PLA2G4E: variants seen among roughly 807,000 people sequenced by gnomAD.
The protein encoded by PLA2G4E is cytosolic phospholipase A2 epsilon.
A neutral mutation model predicts 109.1 loss-of-function variants in PLA2G4E; 84 were observed. The ratio of observed to expected loss-of-function variants is 0.77; its 90% CI spans 0.65 to 0.92. PLA2G4E has a LOEUF of 0.92. Ranked by LOEUF, PLA2G4E falls within the 40% of genes least tolerant of loss-of-function variation. The pLI, the probability that PLA2G4E is intolerant of heterozygous loss-of-function variation, is 0.00. For missense variants in PLA2G4E, 1,057 were observed against 1,076.6 expected, an observed-to-expected ratio of 0.98 and a Z score of 0.25; for synonymous variants, 469 against 436.1, an observed-to-expected ratio of 1.08 and a Z score of -0.94.
intron 1 of PLA2G4E, among the ~76,000 whole-genome samples, chr15:42,048,764 C>T (rs1889459905): frequency 1.3e-5 from 2 of 152,212 alleles, no homozygotes; most frequent in Admixed American, 1.3e-4. Flanking sequence ...GGCTAAGGAG[C>T]TTGTCTGAGG....
intron 15 of PLA2G4E, among the ~76,000 whole-genome samples, chr15:41,988,900 G>A (rs1490964354): frequency 3.9e-5 from 6 of 152,212 alleles, no homozygotes; most frequent in Non-Finnish European, 5.9e-5. Flanking sequence ...AAATAAGGGC[G>A]TGTTGGGGCT....
chr15:42,007,249 A>G (rs1005081681), intron 3 of PLA2G4E, among the ~76,000 whole-genome samples: 3 of 152,224 alleles, frequency 2.0e-5, no homozygotes, highest in Non-Finnish European at 4.4e-5. Flanking sequence ...TAGAGTCATC[A>G]TATATCTGAA....
chr15:42,040,960 CTG>C (rs1273671629), intron 1 of PLA2G4E, among the ~76,000 whole-genome samples: 1 of 152,116 alleles, frequency 6.6e-6, no homozygotes, highest in Non-Finnish European at 1.5e-5. Flanking sequence ...AATTTAAAGA[CTG>C]TAAATTAAAA....
In PLA2G4E at chr15:42,044,524, T is replaced by A. The variant is rs182709204; in HGVS notation, c.183+5997A>T. Among the ~76,000 whole-genome samples, 3 of 151,034 alleles carry A rather than the reference T, an allele frequency of 2.0e-5. No homozygotes were observed. In the East Asian group the frequency reaches 5.9e-4, roughly 30 times the overall value. On this transcript the variant is annotated intron_variant, in intron 1 of 19. Transcript: ENST00000399518. ...AGAAACTGGATGCCACCGAAGGGTATTAAGCAAGGACAAAAAACCAAACAC... is the reference window on the plus strand; with the variant it reads ...AGAAACTGGATGCCACCGAAGGGTAATAAGCAAGGACAAAAAACCAAACAC...
intron 1 of PLA2G4E, among the ~76,000 whole-genome samples, chr15:42,035,695 G>A (rs1468648246): frequency 3.9e-5 from 6 of 152,206 alleles, no homozygotes. Context: ...AAGAGAGAGA[G>A]GGGAAGTGAT....
In PLA2G4E at chr15:42,043,383, C is replaced by A. The variant is rs989004497; in HGVS notation, c.183+7138G>T. On this transcript the variant is annotated intron_variant, in intron 1 of 19. Transcript: ENST00000399518. ...TGTGAGGAAGGTGGGCCTGTGGGCA[C>A]CCGTAGGTCAGGACCTGTGGGTGGC... Among the ~76,000 whole-genome samples, 7 of 151,884 alleles carry A rather than the reference C, an allele frequency of 4.6e-5. No homozygotes were observed. The South Asian group carries it at 1.5e-3, about 32-fold the overall frequency.
chr15:42,007,834 C>T lies in PLA2G4E; in HGVS notation c.288G>A (p.Trp96Ter). The change falls in exon 3 of 20, where the codon TGG becomes TGA. Residue 96 changes from tryptophan to a stop codon, truncating the protein, a stop_gained. Coordinates refer to ENST00000399518, the Ensembl canonical transcript of PLA2G4E. LOFTEE classifies it high-confidence loss of function. ...GCTTCTTCTGAGAGGCGGTGGGCAGCCAGAGGCTCACAAAACAGTCTGTCT... is the reference window on the plus strand; with the variant it reads ...GCTTCTTCTGAGAGGCGGTGGGCAGTCAGAGGCTCACAAAACAGTCTGTCT... 6.2e-7 allele frequency: 1 copy of T among 1,607,992 alleles called. No homozygotes were observed. The highest frequency in any genetic ancestry group is 8.5e-7 in the Non-Finnish European group (1 of 1,177,064).
intron 1 of PLA2G4E, among the ~76,000 whole-genome samples, 50 bp from the exon 1 acceptor site, chr15:42,021,092 C>T (rs1172167034): frequency 6.6e-6 from 1 of 152,098 alleles, no homozygotes; most frequent in Non-Finnish European, 1.5e-5. Flanking sequence ...AGAGCTCCAC[C>T]TTCCTGGCCA....
At chr15:42,042,300 G>C (rs1435162886) in intron 1 of PLA2G4E, among the ~76,000 whole-genome samples, 1 of 152,076 alleles carries the variant, frequency 6.6e-6, no homozygotes, top group African/African-American at 2.4e-5. Flanking sequence ...CTAAATATAT[G>C]TGCCTATAAA....
At chr15:41,989,984 C>T (rs1181834803) in intron 14 of PLA2G4E, 137 bp downstream of exon 14, 1 of 729,092 alleles carries the variant, frequency 1.4e-6, no homozygotes, top group East Asian at 2.5e-5. Context: ...GGTGATTTCT[C>T]CAGCTGTGTG....
intron 1 of PLA2G4E, among the ~76,000 whole-genome samples, chr15:42,015,823 C>G (rs983569882): frequency 3.3e-5 from 5 of 152,224 alleles, no homozygotes; most frequent in Non-Finnish European, 5.9e-5. Context: ...AGGTGAGGCG[C>G]GTTTCTACTC....
rs866229200 is a variant in PLA2G4E at position 41,987,167 on chromosome 15, G to A, written c.2035+5C>T. ...AGGCCTCAAGGAGTAGCCAGGTAGG[G>A]TTACCTTTCCACCTAGAGAACTGGC... On this transcript the variant is annotated splice_donor_5th_base_variant and intron_variant, in intron 17 of 19. Coordinates refer to ENST00000399518, the Ensembl canonical transcript of PLA2G4E. 4.3e-6 allele frequency: 7 copies of A among 1,611,736 alleles called. No individual in the cohort carries two copies. The highest frequency in any genetic ancestry group is 1.3e-5 in the African/African-American group (1 of 75,002).
exon 14 of PLA2G4E, chr15:41,990,123 C>A: frequency 6.2e-7 from 1 of 1,612,598 alleles, no homozygotes; most frequent in Non-Finnish European, 8.5e-7. Context: ...GGTGTTACCT[C>A]TGAAGTCCTG....
At chr15:42,013,575 A>C in intron 2 of PLA2G4E, 110 bp downstream of exon 2, 1 of 998,116 alleles carries the variant, frequency 1.0e-6, no homozygotes, top group Non-Finnish European at 1.5e-6. Context: ...GCACGTGCAC[A>C]CGTGCGCGCG....
chr15:41,992,945 A>G (rs1193316573), exon 13 of PLA2G4E: 4 of 1,612,284 alleles, frequency 2.5e-6, no homozygotes, highest in Non-Finnish European at 2.5e-6. Flanking sequence ...GTCACGGTAC[A>G]AGGTAGCCAT....
intron 12 of PLA2G4E, among the ~76,000 whole-genome samples, chr15:41,993,838 C>T (rs1002376511): frequency 6.6e-6 from 1 of 152,154 alleles, no homozygotes; most frequent in Non-Finnish European, 1.5e-5. Flanking sequence ...ATAAGCTTCA[C>T]CCATTCATTT....
At chr15:42,018,707 C>G (rs572775128) in intron 1 of PLA2G4E, among the ~76,000 whole-genome samples, 2 of 152,216 alleles carry the variant, frequency 1.3e-5, no homozygotes, top group African/African-American at 4.8e-5. Context: ...AGGCTGCCGA[C>G]ACACCGTCCC....
chr15:42,017,805 C>A (rs1341114005), intron 1 of PLA2G4E, among the ~76,000 whole-genome samples: 1 of 152,226 alleles, frequency 6.6e-6, no homozygotes, highest in Non-Finnish European at 1.5e-5. Flanking sequence ...CTGGCTGTTT[C>A]TACCAACACA....
In PLA2G4E at chr15:42,006,084, A is replaced by C. The variant is rs1456716191; in HGVS notation, c.431T>G (p.Val144Gly). 1 of 1,613,766 alleles carries C rather than the reference A, an allele frequency of 6.2e-7. No homozygotes were observed. ...TGTCAGGAGATGGTCATCTGGTGTC[A>C]CTGTGTCTTCATCACAGACACTCAA... is the stretch of plus-strand genomic sequence containing the variant. The change falls in exon 4 of 20, where the codon GTG becomes GGG. Residue 144 changes from valine to glycine, a missense_variant. Coordinates refer to ENST00000399518, the Ensembl canonical transcript of PLA2G4E.
Sources: allele counts gnomAD v4.1 joint callset (sites outside exome capture counted in the v4.1 genomes callset), GRCh38; gene constraint gnomAD v4.1.1; transcripts MANE v1.5; gene names NCBI Gene and HGNC (gene_info 2026-07-23, HGNC 2026-07-21).